ZNG1E: variants seen among roughly 807,000 people sequenced by gnomAD.
ZNG1E encodes Zn regulated GTPase metalloprotein activator 1E.
the ZNG1E span, among the ~76,000 whole-genome samples, chr9:65,685,087 C>T: frequency 6.8e-6 from 1 of 147,020 alleles, no homozygotes; most frequent in African/African-American, 2.5e-5. Context: ...TTATACTATA[C>T]TGTAGTCTAT....
chr9:65,663,149 C>T, the ZNG1E span, among the ~76,000 whole-genome samples: 1 of 152,282 alleles, frequency 6.6e-6, no homozygotes, highest in Admixed American at 6.5e-5. Context: ...TTGCTTTTCT[C>T]TCCAATGTTT....
At chr9:65,710,516 T>G in the ZNG1E span, among the ~76,000 whole-genome samples, 1 of 152,080 alleles carries the variant, frequency 6.6e-6, no homozygotes. Context: ...TAATCCATCT[T>G]GAATTGATTT....
the ZNG1E span, among the ~76,000 whole-genome samples, chr9:65,688,213 AAATT>A: frequency 1.6e-4 from 22 of 140,518 alleles, no homozygotes; most frequent in African/African-American, 5.1e-4. Flanking sequence ...GTCAATAATT[AAATT>A]ATTAATAATT....
chr9:65,687,284 T>A, the ZNG1E span, among the ~76,000 whole-genome samples: 2 of 142,420 alleles, frequency 1.4e-5, no homozygotes, highest in Admixed American at 7.4e-5. Context: ...GTTTTAATAG[T>A]TTTGGTGCTC....
chr9:65,661,044 G>A, the ZNG1E span, among the ~76,000 whole-genome samples: 2 of 147,758 alleles, frequency 1.4e-5, no homozygotes, highest in African/African-American at 5.1e-5. Context: ...GGAAACTTGG[G>A]CCATGTACTG....
chr9:65,691,567 C>A, the ZNG1E span, among the ~76,000 whole-genome samples: 1 of 152,366 alleles, frequency 6.6e-6, no homozygotes, highest in East Asian at 1.9e-4. Flanking sequence ...TTTAGTGCTT[C>A]CACTAAGGTT....
At chr9:65,684,560 A>ACACACG in the ZNG1E span, among the ~76,000 whole-genome samples, 6 of 146,290 alleles carry the variant, frequency 4.1e-5, no homozygotes, top group Non-Finnish European at 7.6e-5. Context: ...GCACACACAC[A>ACACACG]CACACACACA....
the ZNG1E span, among the ~76,000 whole-genome samples, chr9:65,675,523 C>CTT: frequency 6.9e-6 from 1 of 145,706 alleles, no homozygotes; most frequent in Admixed American, 6.8e-5. Flanking sequence ...TGAATTAAAA[C>CTT]TTTTTTTTTT....
At chr9:65,673,695 C>T in the ZNG1E span, among the ~76,000 whole-genome samples, 4 of 152,264 alleles carry the variant, frequency 2.6e-5, no homozygotes, top group Admixed American at 2.6e-4. Flanking sequence ...GTCCCAGCTA[C>T]TTGGGAGGCT....
the ZNG1E span, among the ~76,000 whole-genome samples, chr9:65,660,517 GATAGAA>G: frequency 9.2e-5 from 14 of 152,242 alleles, no homozygotes; most frequent in Non-Finnish European, 2.9e-5. Flanking sequence ...AGTGTGGGGA[GATAGAA>G]ATGGTAGAGT....
At chr9:65,714,185 G>A in the ZNG1E span, among the ~76,000 whole-genome samples, 152 of 147,828 alleles carry the variant, frequency 1.0e-3, no homozygotes, top group East Asian at 3.9e-4. Flanking sequence ...CGTAGTTCTC[G>A]AGCCTTGGTT....
chr9:65,687,416 T>C, the ZNG1E span, among the ~76,000 whole-genome samples: 1 of 151,012 alleles, frequency 6.6e-6, no homozygotes, highest in Non-Finnish European at 1.5e-5. Flanking sequence ...ATACACTTCA[T>C]TGATTCAAAA....
At chr9:65,705,082 C>G in the ZNG1E span, among the ~76,000 whole-genome samples, 2 of 150,200 alleles carry the variant, frequency 1.3e-5, no homozygotes, top group Non-Finnish European at 2.9e-5. Context: ...AAAGGCTCAC[C>G]TTGAGTAGTT....
chr9:65,668,178 A>G, the ZNG1E span, among the ~76,000 whole-genome samples: 2 of 151,802 alleles, frequency 1.3e-5, no homozygotes, highest in African/African-American at 4.8e-5. Flanking sequence ...AATTTTATGA[A>G]TGCACATGTA....
chr9:65,687,669 G>A, the ZNG1E span, among the ~76,000 whole-genome samples: 300 of 150,324 alleles, frequency 2.0e-3, no homozygotes, highest in African/African-American at 5.9e-3. Flanking sequence ...TATTGCTTTC[G>A]TTCCTGAAAA....
chr9:65,661,265 C>T, the ZNG1E span, among the ~76,000 whole-genome samples: 2 of 136,982 alleles, frequency 1.5e-5, no homozygotes, highest in South Asian at 2.3e-4. Context: ...AAAGTGAAGG[C>T]CTTCAAAACT....
chr9:65,675,520 A>C, the ZNG1E span, among the ~76,000 whole-genome samples: 1 of 150,158 alleles, frequency 6.7e-6, no homozygotes, highest in East Asian at 1.9e-4. Flanking sequence ...CTATGAATTA[A>C]AACTTTTTTT....
At chr9:65,715,211 A>AC in the ZNG1E span, among the ~76,000 whole-genome samples, 5 of 145,480 alleles carry the variant, frequency 3.4e-5, no homozygotes, top group Admixed American at 3.4e-4. Context: ...GAACTCCCTG[A>AC]CCCCCGTGCT....
At chr9:65,686,635 A>AAAAT in the ZNG1E span, among the ~76,000 whole-genome samples, 50 of 152,248 alleles carry the variant, frequency 3.3e-4, no homozygotes, top group Middle Eastern at 3.4e-3. Context: ...ACTCCATCTC[A>AAAAT]AAATAAATAA....
Sources: allele counts gnomAD v4.1 joint callset (sites outside exome capture counted in the v4.1 genomes callset), GRCh38; gene constraint gnomAD v4.1.1; transcripts MANE v1.5; gene names NCBI Gene and HGNC (gene_info 2026-07-23, HGNC 2026-07-21).